IQCE: variants seen among roughly 807,000 people sequenced by gnomAD.
IQCE encodes the protein IQ domain-containing protein E.
A neutral mutation model predicts 96.0 loss-of-function variants in IQCE; 115 were observed. That is an observed-to-expected ratio of 1.20 (90% CI 1.03 to 1.40). The LOEUF (loss-of-function observed/expected upper bound fraction) is 1.40, where lower values mean the gene tolerates loss of function less well. Ranked by LOEUF, IQCE falls within the 40% of genes most tolerant of loss-of-function variation. The pLI, the probability that IQCE is intolerant of heterozygous loss-of-function variation, is 0.00. For synonymous variants in IQCE, 412 were observed against 371.2 expected (o/e 1.11, Z -1.26); for missense variants, 1,041 against 909.1 (o/e 1.15, Z -1.87).
chr7:2,573,811 T>C (rs1781930217), intron 6 of IQCE, among the ~76,000 whole-genome samples: 1 of 152,240 alleles, frequency 6.6e-6, no homozygotes, highest in South Asian at 2.1e-4. Context: ...ATAAGGTCAC[T>C]GGTAGAGTCA....
chr7:2,587,567 G>A (rs1030220345), intron 12 of IQCE, among the ~76,000 whole-genome samples: 1 of 152,122 alleles, frequency 6.6e-6, no homozygotes, highest in Non-Finnish European at 1.5e-5. Flanking sequence ...CTGGCCAGGT[G>A]GAATCGGGAA....
chr7:2,584,793 A>G (rs1782968900), intron 11 of IQCE: 1 of 156,834 alleles, frequency 6.4e-6, no homozygotes, highest in Non-Finnish European at 1.4e-5. Context: ...CAGTTTGCTG[A>G]CGTCGTGGAC....
intron 2 of IQCE, among the ~76,000 whole-genome samples, chr7:2,568,626 G>A (rs2917754): frequency 0.76 from 115,594 of 152,162 alleles, 44,304 homozygotes; most frequent in African/African-American, 0.84. Flanking sequence ...TGGGCTCCCA[G>A]GCTGGCTGTG....
chr7:2,567,229 C>G, intron 2 of IQCE, 66 bp downstream of exon 2: 1 of 1,277,064 alleles, frequency 7.8e-7, no homozygotes, highest in Non-Finnish European at 1.1e-6. Context: ...AGACTGCACT[C>G]GGAAGCGTAA....
chr7:2,565,390 C>T (rs939692222), intron 1 of IQCE, among the ~76,000 whole-genome samples: 15 of 152,108 alleles, frequency 9.9e-5, no homozygotes, highest in Non-Finnish European at 2.1e-4. Flanking sequence ...GGAGGCAGCA[C>T]GGCTGGAAGG....
chr7:2,609,924 G>C (rs1785033556), intron 21 of IQCE, 120 bp from the exon 22 acceptor site: 1 of 660,002 alleles, frequency 1.5e-6, no homozygotes, highest in Admixed American at 2.4e-5. Context: ...ATGGCTTACT[G>C]CTTCTCGGGG....
At chr7:2,567,782 C>G (rs1781486823) in intron 2 of IQCE, among the ~76,000 whole-genome samples, 1 of 152,242 alleles carries the variant, frequency 6.6e-6, no homozygotes, top group Non-Finnish European at 1.5e-5. Context: ...CAGCAGATCT[C>G]AATTCCACGT....
rs1004445546 is a variant in IQCE at position 2,590,691 on chromosome 7, A to G, written c.1244+585A>G. Among the ~76,000 whole-genome samples, 3 of 152,178 alleles carry G rather than the reference A, an allele frequency of 2.0e-5. No homozygotes were observed. In the East Asian group the frequency reaches 5.8e-4, roughly 29 times the overall value. On this transcript the variant is annotated intron_variant, in intron 14 of 21. Transcript: ENST00000402050. ...CAAGGCAGAGGATCACTTGAGCCCA[A>G]GAGTTCGAGGCTGCAGTGAGCTATG...
At chr7:2,568,121 A>C (rs1018640984) in intron 2 of IQCE, among the ~76,000 whole-genome samples, 3 of 152,196 alleles carry the variant, frequency 2.0e-5, no homozygotes, top group Non-Finnish European at 2.9e-5. Flanking sequence ...TGTGTCTCTA[A>C]TGCAAAATCC....
chr7:2,592,057 G>A (rs1411541553), intron 14 of IQCE, among the ~76,000 whole-genome samples: 1 of 151,730 alleles, frequency 6.6e-6, no homozygotes, highest in Non-Finnish European at 1.5e-5. Flanking sequence ...AAAGTGCTGG[G>A]ATTACAGGCG....
intron 14 of IQCE, among the ~76,000 whole-genome samples, chr7:2,592,511 C>T (rs1487152814): frequency 6.6e-6 from 1 of 152,214 alleles, no homozygotes; most frequent in Non-Finnish European, 1.5e-5. Flanking sequence ...TCGGGGCTCG[C>T]AGACAGCATA....
rs1186739093 is a variant in IQCE, at chr7:2,583,638, A to G, written c.703A>G (p.Lys235Glu). ...QCKEKDGTIS[K>E]LQTDMKTTNL... ...TTAACGCTGAACTTGGGTTTTCAGC[A>G]AACTCCAGACCGATATGAAGACTAC... Residue 235 changes from lysine to glutamate, a missense_variant and splice_region_variant, in exon 10 of 22, where the codon AAA becomes GAA. Transcript: ENST00000402050. 1.3e-6 allele frequency: 2 copies of G among 1,594,848 alleles called. No individual in the cohort carries two copies. The highest frequency in any genetic ancestry group is 8.6e-7 in the Non-Finnish European group (1 of 1,168,056).
chr7:2,565,352 C>T (rs1562618600), intron 1 of IQCE, among the ~76,000 whole-genome samples: 1 of 152,098 alleles, frequency 6.6e-6, no homozygotes, highest in Non-Finnish European at 1.5e-5. Context: ...TGCGTTTCAC[C>T]TCTTCCCTGC....
chr7:2,576,567 T>G (rs141163588), intron 6 of IQCE, among the ~76,000 whole-genome samples: 304 of 152,046 alleles, frequency 2.0e-3, no homozygotes, highest in African/African-American at 6.8e-3. Context: ...ACCTGGCTAA[T>G]TTTTTGTATT....
At chr7:2,605,445 T>G (rs1784735248) in intron 19 of IQCE, among the ~76,000 whole-genome samples, 1 of 151,666 alleles carries the variant, frequency 6.6e-6, no homozygotes, top group Admixed American at 6.6e-5. Flanking sequence ...ATGGTGAAAC[T>G]CTGTCTCTAC....
At chr7:2,601,989 CTT>C (rs888947042) in intron 18 of IQCE, 2 of 165,316 alleles carry the variant, frequency 1.2e-5, no homozygotes, top group Non-Finnish European at 2.6e-5. Flanking sequence ...TTCATTCATT[CTT>C]TTCATGCACA....
In IQCE at chr7:2,571,536, TCTCTCTAAGC is replaced by T; in HGVS notation, c.143_152del (p.Leu48ArgfsTer24). 1 of 1,606,468 alleles carries T rather than the reference TCTCTCTAAGC, an allele frequency of 6.2e-7. No homozygotes were observed. Among genetic ancestry groups the T allele is most frequent in the Non-Finnish European group, 8.5e-7 (1 of 1,179,960 alleles). On this transcript the variant is annotated frameshift_variant, in exon 4 of 22. Coordinates refer to ENST00000402050, the MANE Select transcript of IQCE (RefSeq NM_152558.5). LOFTEE classifies it high-confidence loss of function. ...TGTTGGCTTTTCCAGAGTCACCTTA[TCTCTCTAAGC>T]CGAGAAAAGTGGCCTCCTGGAGGTC...
intron 20 of IQCE, 55 bp downstream of exon 20, chr7:2,606,052 C>T (rs1784799018): frequency 3.2e-6 from 5 of 1,549,080 alleles, no homozygotes; most frequent in East Asian, 2.4e-5. Context: ...AGGCTGCCCA[C>T]CGCACTGGGC....
rs60896382 is a variant in IQCE at position 2,563,375 on chromosome 7, T to TTTTGTGTGTGTGTGTGTG, written c.37-3740_37-3739insTTGTGTGTGTGTGTGTGT. ...TGATGCCCAGCTAATTAATTTTTTG[T>TTTTGTGTGTGTGTGTGTG]TGTGTGTGTGTGTGTGTGTGTGTGT... is the stretch of plus-strand genomic sequence containing the variant. On this transcript the variant is annotated intron_variant, in intron 1 of 21. Transcript: ENST00000402050. Among the ~76,000 whole-genome samples, 17 of 135,806 alleles carry TTTTGTGTGTGTGTGTGTG rather than the reference T, an allele frequency of 1.3e-4. No homozygotes were observed. In the South Asian group the frequency reaches 3.2e-3, roughly 26 times the overall value. 89.1% of individuals were successfully genotyped at this position (135,806 alleles called of 152,430 possible). A position where few individuals can be genotyped will look rare whatever the true frequency, so the allele number is the denominator to read the frequency against.
Sources: gnomAD v4.1 joint callset for allele counts (sites outside exome capture counted in the v4.1 genomes callset) on GRCh38, gnomAD v4.1.1 for gene constraint, MANE v1.5 for transcripts, NCBI Gene and HGNC (gene_info 2026-07-23, HGNC 2026-07-21) for gene names.